The following COX10 variants were observed in gnomAD, a reference collection of about 807,000 sequenced individuals.
The protein encoded by COX10 is protoheme IX farnesyltransferase, mitochondrial.
Under a neutral mutation model 37.3 loss-of-function variants are expected in COX10, and 27 were observed. The observed-to-expected ratio is 0.72, with a 90% CI of 0.53 to 1.00. COX10 has a LOEUF of 1.00. COX10 is among the 50% of genes least tolerant of loss of function. The pLI, the probability that COX10 is intolerant of heterozygous loss-of-function variation, is 0.00. For missense variants in COX10, 475 were observed against 563.2 expected (o/e 0.84, Z 1.59); for synonymous variants, 222 against 229.1 (o/e 0.97, Z 0.28).
At chr17:14,128,054 T>C (rs1916384715) in intron 4 of COX10, among the ~76,000 whole-genome samples, 1 of 149,956 alleles carries the variant, frequency 6.7e-6, no homozygotes, top group Non-Finnish European at 1.5e-5. Context: ...CTGATTTATC[T>C]TTTTTTTTAA....
intron 5 of COX10, among the ~76,000 whole-genome samples, chr17:14,186,968 ACTTGT>A (rs1232676770): frequency 1.5e-5 from 2 of 134,904 alleles, no homozygotes; most frequent in Admixed American, 7.9e-5. Flanking sequence ...ATCTCAGTAA[ACTTGT>A]CTTATTTTAA....
intron 4 of COX10, among the ~76,000 whole-genome samples, chr17:14,112,213 A>T (rs929297194): frequency 6.6e-5 from 10 of 152,194 alleles, no homozygotes; most frequent in Non-Finnish European, 1.0e-4. Flanking sequence ...GTAAACACTC[A>T]GTGAACATTC....
At chr17:14,148,773 C>A (rs1904803820) in intron 4 of COX10, among the ~76,000 whole-genome samples, 1 of 151,902 alleles carries the variant, frequency 6.6e-6, no homozygotes, top group African/African-American at 2.4e-5. Context: ...GTATTTCTAT[C>A]CATTTTTGTT....
intron 3 of COX10, among the ~76,000 whole-genome samples, chr17:14,091,045 G>C (rs1915516593): frequency 6.6e-6 from 1 of 152,130 alleles, no homozygotes; most frequent in African/African-American, 2.4e-5. Context: ...TTATTTTACT[G>C]TACTGTAGTA....
chr17:14,198,012 T>G (rs1906419300), intron 6 of COX10, among the ~76,000 whole-genome samples: 1 of 152,234 alleles, frequency 6.6e-6, no homozygotes, highest in Non-Finnish European at 1.5e-5. Context: ...GCCTAACTGC[T>G]GTTAGCAAAA....
intron 6 of COX10, among the ~76,000 whole-genome samples, chr17:14,206,027 C>T (rs969336371): frequency 2.6e-5 from 4 of 152,150 alleles, no homozygotes; most frequent in Non-Finnish European, 4.4e-5. Flanking sequence ...CCTTGTGACT[C>T]ATTTTATTTA....
chr17:14,105,098 A>G (rs534516713), intron 4 of COX10, among the ~76,000 whole-genome samples: 183 of 152,326 alleles, frequency 1.2e-3, no homozygotes, highest in Middle Eastern at 3.4e-3. Flanking sequence ...TCAAAAAACT[A>G]TAACATTATT....
At chr17:14,206,696 G>T in intron 6 of COX10, 114 bp from the exon 7 acceptor site, 1 of 1,331,198 alleles carries the variant, frequency 7.5e-7, no homozygotes, top group African/African-American at 1.4e-5. Flanking sequence ...GAGAGCACAG[G>T]GTGGCAGAGC....
chr17:14,192,744 CA>C (rs1467114979), intron 6 of COX10, among the ~76,000 whole-genome samples: 5 of 151,518 alleles, frequency 3.3e-5, no homozygotes, highest in African/African-American at 7.3e-5. Flanking sequence ...AAGATTCCTA[CA>C]TTTTTTTGGT....
chr17:14,200,528 C>T (rs1188417394), intron 6 of COX10, among the ~76,000 whole-genome samples: 1 of 152,212 alleles, frequency 6.6e-6, no homozygotes, highest in Non-Finnish European at 1.5e-5. Context: ...CAGATGTGCC[C>T]TTCTCCATTT....
At chr17:14,121,562 C>T (rs531925580) in intron 4 of COX10, among the ~76,000 whole-genome samples, 2 of 152,272 alleles carry the variant, frequency 1.3e-5, no homozygotes, top group East Asian at 3.9e-4. Flanking sequence ...GGGCAAATTA[C>T]TTTTCTGTTT....
chr17:14,107,850 C>T (rs982857624), intron 4 of COX10, among the ~76,000 whole-genome samples: 4 of 152,300 alleles, frequency 2.6e-5, no homozygotes, highest in Admixed American at 1.3e-4. Flanking sequence ...AGGCCACTGG[C>T]TCTATAAGTG....
At chr17:14,183,857 T>G (rs1481068795) in intron 5 of COX10, among the ~76,000 whole-genome samples, 2 of 152,212 alleles carry the variant, frequency 1.3e-5, no homozygotes, top group Non-Finnish European at 2.9e-5. Context: ...CATGTGTTTG[T>G]TTAAGGTCTG....
chr17:14,186,679 AT>A, intron 5 of COX10, among the ~76,000 whole-genome samples: 1 of 151,812 alleles, frequency 6.6e-6, no homozygotes, highest in South Asian at 2.1e-4. Flanking sequence ...GTATTAGGCT[AT>A]TTGCATAATG....
At chr17:14,073,335 T>C (rs1014229677) in intron 1 of COX10, among the ~76,000 whole-genome samples, 1 of 152,174 alleles carries the variant, frequency 6.6e-6, no homozygotes, top group Non-Finnish European at 1.5e-5. Flanking sequence ...TGTTAATTGA[T>C]AACAGGAGAG....
In COX10 at chr17:14,207,351, G is replaced by GTTTTT; in HGVS notation, c.*148_*152dup. ...TTCGGTGCTCAGTGATCACTTGACAGTTTTTTTTTTTTTTAAATATTACCC... is the reference window on the plus strand; with the variant it reads ...TTCGGTGCTCAGTGATCACTTGACAGTTTTTTTTTTTTTTTTTTTAAATATTACCC... On this transcript the variant is annotated 3_prime_UTR_variant, in exon 7 of 7. Transcript: ENST00000261643. 1 of 891,330 alleles carries GTTTTT rather than the reference G, an allele frequency of 1.1e-6. No individual in the cohort carries two copies. The highest frequency in any genetic ancestry group is 3.8e-4 in the Middle Eastern group (1 of 2,628). 55.2% of individuals were successfully genotyped at this position (891,330 alleles called of 1,614,324 possible).
intron 6 of COX10, among the ~76,000 whole-genome samples, chr17:14,205,521 G>A (rs1906670734): frequency 1.3e-5 from 2 of 152,310 alleles, no homozygotes; most frequent in South Asian, 4.1e-4. Context: ...CGTGTGGATT[G>A]TTGCTCGCCA....
chr17:14,074,232 G>T (rs1402353132), intron 1 of COX10, 91 bp from the exon 2 acceptor site: 8 of 1,426,444 alleles, frequency 5.6e-6, no homozygotes, highest in Non-Finnish European at 7.9e-6. Flanking sequence ...GCTTACCTTA[G>T]TGGCTGGCTT....
At chr17:14,129,834 G>C (rs993300059) in intron 4 of COX10, among the ~76,000 whole-genome samples, 11 of 152,118 alleles carry the variant, frequency 7.2e-5, no homozygotes, top group African/African-American at 2.7e-4. Flanking sequence ...AGGGTTGGTG[G>C]TTTTGTTTTT....
Sources: gnomAD v4.1 joint callset for allele counts (sites outside exome capture counted in the v4.1 genomes callset) on GRCh38, gnomAD v4.1.1 for gene constraint, MANE v1.5 for transcripts, NCBI Gene and HGNC (gene_info 2026-07-23, HGNC 2026-07-21) for gene names.